Variants in TRIO observed in about 807,000 individuals in gnomAD.
The protein encoded by TRIO is trio Rho guanine nucleotide exchange factor.
A neutral mutation model predicts 351.9 loss-of-function variants in TRIO; 58 were observed. The observed-to-expected ratio is 0.16, with a 90% CI of 0.13 to 0.21. The LOEUF is 0.21. Among genes scored for constraint, TRIO ranks in the 10% least tolerant of loss-of-function variants. The pLI is 1.00. For synonymous variants in TRIO, 1,758 were observed against 1,595.7 expected, an observed-to-expected ratio of 1.10 and a Z score of -2.42; for missense variants, 3,201 against 4,027.8, an observed-to-expected ratio of 0.79 and a Z score of 5.56.
At chr5:14,415,417 T>A (rs899717844) in intron 33 of TRIO, among the ~76,000 whole-genome samples, 1 of 152,092 alleles carries the variant, frequency 6.6e-6, no homozygotes, top group Non-Finnish European at 1.5e-5. Flanking sequence ...GAGAGCCATA[T>A]GTTCTTGAGC....
chr5:14,394,775 A>G (rs1747419185), intron 28 of TRIO, among the ~76,000 whole-genome samples: 2 of 152,344 alleles, frequency 1.3e-5, no homozygotes, highest in Admixed American at 6.5e-5. Context: ...AGAAAACAAT[A>G]GTGATTAGTC....
At chr5:14,201,498 C>G (rs1791107197) in intron 1 of TRIO, among the ~76,000 whole-genome samples, 1 of 152,048 alleles carries the variant, frequency 6.6e-6, no homozygotes, top group Non-Finnish European at 1.5e-5. Context: ...AAGGTCATAT[C>G]CTGTGGTTTT....
At chr5:14,211,711 TA>T (rs1038541002) in intron 1 of TRIO, among the ~76,000 whole-genome samples, 9 of 151,878 alleles carry the variant, frequency 5.9e-5, no homozygotes, top group African/African-American at 1.7e-4. Context: ...AGTTTGTTCT[TA>T]AGAAACAGAA....
intron 12 of TRIO, among the ~76,000 whole-genome samples, chr5:14,358,868 A>G (rs1275257505): frequency 6.6e-6 from 1 of 152,010 alleles, no homozygotes; most frequent in Non-Finnish European, 1.5e-5. Flanking sequence ...GGACCATTTA[A>G]CCCCCTACTG....
intron 7 of TRIO, among the ~76,000 whole-genome samples, chr5:14,302,400 T>C (rs189752994): frequency 2.7e-3 from 418 of 152,316 alleles, no homozygotes; most frequent in African/African-American, 9.3e-3. Context: ...ATGGTTAACC[T>C]CAATCAATTT....
intron 10 of TRIO, among the ~76,000 whole-genome samples, chr5:14,335,101 C>T (rs975560305): frequency 6.6e-6 from 1 of 152,174 alleles, no homozygotes; most frequent in African/African-American, 2.4e-5. Context: ...GCGAATAGCT[C>T]CAATTCCAGC....
At chr5:14,234,646 A>G (rs1793662904) in intron 1 of TRIO, among the ~76,000 whole-genome samples, 1 of 152,270 alleles carries the variant, frequency 6.6e-6, no homozygotes, top group Admixed American at 6.5e-5. Flanking sequence ...CTGTTCCTAC[A>G]TATACAAGTA....
intron 1 of TRIO, among the ~76,000 whole-genome samples, chr5:14,232,234 G>C (rs1357733551): frequency 6.6e-6 from 1 of 152,108 alleles, no homozygotes; most frequent in Non-Finnish European, 1.5e-5. Context: ...GCTTCTCCCG[G>C]TTCCGTGAGT....
At chr5:14,349,416 G>A (rs1051562643) in intron 11 of TRIO, among the ~76,000 whole-genome samples, 3 of 152,092 alleles carry the variant, frequency 2.0e-5, no homozygotes, top group Non-Finnish European at 2.9e-5. Context: ...CTCTTTCCTT[G>A]CTCTTTTTTT....
chr5:14,253,177 C>T (rs758690011), intron 1 of TRIO, among the ~76,000 whole-genome samples: 29 of 152,268 alleles, frequency 1.9e-4, no homozygotes, highest in Non-Finnish European at 3.4e-4. Context: ...ACATGCACCA[C>T]GGTCTTCTGG....
rs1451687254 is a variant in TRIO at position 14,308,388 on chromosome 5, CCATT to C, written c.1500+3799_1500+3802del. Among the ~76,000 whole-genome samples, 11 of 133,556 alleles carry C rather than the reference CCATT, an allele frequency of 8.2e-5. No homozygotes were observed. The South Asian group carries it at 1.5e-3, about 18-fold the overall frequency. The allele number at this position is 133,556 out of a possible 152,430, so 87.6% of individuals were successfully genotyped here. ...CCCATTCATCTGTCCATCCATCCAT[CCATT>C]CAGTCACCCATCCATCCATCCATCC... On this transcript the variant is annotated intron_variant, in intron 8 of 56. Transcript: ENST00000344204.
At chr5:14,292,953 CT>C in intron 5 of TRIO, 58 bp from the exon 6 acceptor site, 1 of 1,609,962 alleles carries the variant, frequency 6.2e-7, no homozygotes, top group East Asian at 2.2e-5. Flanking sequence ...CATCTGTGGG[CT>C]TGTGTCAGTA....
At chr5:14,239,802 G>T (rs564030246) in intron 1 of TRIO, among the ~76,000 whole-genome samples, 27 of 152,316 alleles carry the variant, frequency 1.8e-4, no homozygotes, top group Admixed American at 1.6e-3. Context: ...ATGAAGAATG[G>T]GTAGGGAACT....
At chr5:14,280,848 G>A (rs1012589927) in intron 3 of TRIO, among the ~76,000 whole-genome samples, 3 of 152,210 alleles carry the variant, frequency 2.0e-5, no homozygotes, top group African/African-American at 4.8e-5. Context: ...TATGTAGCAC[G>A]AAGTTTGTGG....
At position 14,389,384 on chromosome 5, in the gene TRIO, C is replaced by T. The variant is rs143311108; in HGVS notation, c.4044C>T (p.Tyr1348=). Residue 1348 remains tyrosine, a synonymous_variant, in exon 25 of 57, where the codon TAC becomes TAT. Transcript: ENST00000344204. Reference sequence around the variant, plus strand: ...TCTTCGGAAACATGCAAGAAATCTACGAATTTCATAATAAGTGAGTGGCTT... The same window carrying T: ...TCTTCGGAAACATGCAAGAAATCTATGAATTTCATAATAAGTGAGTGGCTT... ...LIIFGNMQEI[Y]EFHNNIFLKE... is the part of the protein sequence containing the mutation. The T allele has an allele frequency of 1.1e-4, 183 of 1,609,480 alleles. No individual in the cohort carries two copies. Among genetic ancestry groups the T allele is most frequent in the Middle Eastern group, 1.6e-4 (1 of 6,082 alleles).
chr5:14,389,110 G>A (rs993241516), intron 24 of TRIO, among the ~76,000 whole-genome samples, 179 bp from the exon 25 acceptor site: 1 of 152,198 alleles, frequency 6.6e-6, no homozygotes, highest in African/African-American at 2.4e-5. Flanking sequence ...CTCCTCTCAA[G>A]TATTAACAGC....
Position 14,364,173 on chromosome 5 carries a change from A to G in TRIO, c.2587+246A>G, listed in dbSNP as rs1329902610. 7.2e-5 allele frequency among the ~76,000 whole-genome samples: 11 copies of G among 152,340 alleles called. 1 individual carries two copies. Among genetic ancestry groups the G allele is most frequent in the Admixed American group, 6.5e-4 (10 of 15,308 alleles). ...TCATGAACTTTAATTCTACACAATG[A>G]TATGTTGTATCTCTGTAAATGAACT... On this transcript the variant is annotated intron_variant, in intron 14 of 56. Transcript: ENST00000344204.
intron 1 of TRIO, among the ~76,000 whole-genome samples, chr5:14,216,770 C>T (rs1792253510): frequency 1.3e-5 from 2 of 152,242 alleles, no homozygotes; most frequent in South Asian, 4.1e-4. Flanking sequence ...GAAACTGCCT[C>T]CAAGGGTCCT....
chr5:14,170,696 G>A (rs985438781), intron 1 of TRIO, among the ~76,000 whole-genome samples: 11 of 151,996 alleles, frequency 7.2e-5, no homozygotes, highest in African/African-American at 2.4e-4. Flanking sequence ...AGTCGAGACG[G>A]GGTTTCACCA....
Sources: gnomAD v4.1 joint callset for allele counts (sites outside exome capture counted in the v4.1 genomes callset) on GRCh38, gnomAD v4.1.1 for gene constraint, MANE v1.5 for transcripts, NCBI Gene and HGNC (gene_info 2026-07-23, HGNC 2026-07-21) for gene names.